The following DCLRE1C variants were observed in gnomAD, a reference collection of about 807,000 sequenced individuals.
DCLRE1C encodes the protein DNA cross-link repair 1C, also known as protein artemis.
DCLRE1C carries 47 observed loss-of-function variants against 61.4 expected under a neutral mutation model. The observed-to-expected ratio is 0.77, with a 90% CI of 0.61 to 0.98. DCLRE1C has a LOEUF of 0.98. Among genes scored for constraint, DCLRE1C ranks in the 50% least tolerant of loss-of-function variants. DCLRE1C has a pLI of 0.00. For synonymous variants in DCLRE1C, 337 were observed against 287.6 expected, an observed-to-expected ratio of 1.17 and a Z score of -1.74; for missense variants, 858 against 816.0, an observed-to-expected ratio of 1.05 and a Z score of -0.63.
At position 14,954,078 on chromosome 10, in the gene DCLRE1C, C is replaced by G; in HGVS notation, c.-68G>C. The G allele has an allele frequency of 6.2e-7, 1 of 1,604,602 alleles. No individual in the cohort carries two copies. Among genetic ancestry groups the G allele is most frequent in the Non-Finnish European group, 8.5e-7 (1 of 1,177,544 alleles). The stretch of plus-strand genomic sequence containing the variant: ...GAAGCCAAGGCCAGCCCTGACCGCG[C>G]CGCCACTTCCGGGAAGCCGCGCGCT... On this transcript the variant is annotated 5_prime_UTR_variant, in exon 1 of 14. Transcript: ENST00000378278.
Position 14,918,961 on chromosome 10 carries a change from T to C in DCLRE1C, c.1156+777A>G, listed in dbSNP as rs11259390. ...CTCTAAACTTCAGTTTCCTCATCAT[T>C]ATAATTGGGATGGTACCCCTTGTAA... On this transcript the variant is annotated intron_variant, in intron 13 of 13. Transcript: ENST00000378278. Among the ~76,000 whole-genome samples, 1,501 of 152,290 alleles carry C rather than the reference T, an allele frequency of 9.9e-3. 23 individuals are homozygous for C. The highest frequency in any genetic ancestry group is 0.032 in the African/African-American group (1,319 of 41,562).
At chr10:14,898,877 GA>G in exon 14 of DCLRE1C, 1 of 233,126 alleles carries the variant, frequency 4.3e-6, no homozygotes, top group Non-Finnish European at 8.2e-6. Context: ...TAAGTTATAG[GA>G]AAAATGTGCC....
intron 9 of DCLRE1C, among the ~76,000 whole-genome samples, chr10:14,928,947 T>C (rs1780655500): frequency 6.6e-6 from 1 of 152,070 alleles, no homozygotes; most frequent in Admixed American, 6.6e-5. Flanking sequence ...CACACCCAGC[T>C]AAATTTTCTA....
chr10:14,909,243 A>G lies in DCLRE1C; in HGVS notation c.1244T>C (p.Val415Ala), dbSNP rs780148041. 2 of 1,613,790 alleles carry G rather than the reference A, an allele frequency of 1.2e-6. No homozygotes were observed. Among genetic ancestry groups the G allele is most frequent in the South Asian group, 1.1e-5 (1 of 91,004 alleles). ...VPYPETFHPEVFSMTAVSEKQ... is the reference protein window; with the variant it reads ...VPYPETFHPEAFSMTAVSEKQ... ...TTCTGATACTGCAGTCATTGAAAAT[A>G]CCTCAGGGTGAAAAGTTTCCGGGTA... The change falls in exon 14 of 14, where the codon GTA (valine) becomes GCA (alanine). Residue 415 changes from valine to alanine, a missense_variant. By Grantham distance (64) the Val-to-Ala change is moderately conservative (BLOSUM62 0). Coordinates refer to ENST00000378278, the MANE Select transcript of DCLRE1C (RefSeq NM_001033855.3).
chr10:14,934,094 G>A (rs1004091228), intron 8 of DCLRE1C, among the ~76,000 whole-genome samples: 4 of 152,038 alleles, frequency 2.6e-5, no homozygotes, highest in African/African-American at 9.7e-5. Flanking sequence ...TTAGGAGGCC[G>A]AGGCAGGCAG....
intron 3 of DCLRE1C, 136 bp downstream of exon 3, chr10:14,944,969 C>G (rs1297700862): frequency 1.6e-6 from 1 of 644,044 alleles, no homozygotes; most frequent in Non-Finnish European, 2.7e-6. Context: ...GCCACCATGT[C>G]CGGCCAGAGA....
chr10:14,902,531 G>C (rs375126181), downstream of DCLRE1C: 3 of 1,440,986 alleles, frequency 2.1e-6, no homozygotes, highest in Non-Finnish European at 2.8e-6. Flanking sequence ...AGGAAATAGA[G>C]CTGATGATTA....
intron 13 of DCLRE1C, among the ~76,000 whole-genome samples, chr10:14,912,748 G>A (rs1331228550): frequency 6.6e-6 from 1 of 152,128 alleles, no homozygotes; most frequent in African/African-American, 2.4e-5. Context: ...GGAGTGCAGT[G>A]GTGTGATCTC....
chr10:14,930,829 C>A (rs77318041), intron 9 of DCLRE1C, among the ~76,000 whole-genome samples: 6,804 of 152,238 alleles, frequency 0.045, 179 homozygotes, highest in Admixed American at 0.071. Context: ...TGCATACATG[C>A]ACACAAAGTG....
intron 13 of DCLRE1C, among the ~76,000 whole-genome samples, chr10:14,912,156 G>T (rs139526422): frequency 1.7e-4 from 26 of 152,314 alleles, no homozygotes; most frequent in African/African-American, 6.3e-4. Flanking sequence ...ACCATCATAA[G>T]GCTGGAGACT....
intron 9 of DCLRE1C, among the ~76,000 whole-genome samples, chr10:14,932,383 G>C (rs1839155215): frequency 6.6e-6 from 1 of 152,066 alleles, no homozygotes; most frequent in African/African-American, 2.4e-5. Flanking sequence ...CACGCCTGTA[G>C]TACCAGCACT....
chr10:14,909,065 G>C lies in DCLRE1C; in HGVS notation c.1422C>G (p.Gly474=). ...CAGCCTTTTGCAGGTGAAGTACAGA[G>C]CCCAGATCTCCTTGCAGTGAAGCTG... is the stretch of plus-strand genomic sequence containing the variant. ...GIPASLQGDL[G]SVLHLQKADG... is the part of the protein sequence containing the mutation. Residue 474 remains glycine (G), a synonymous_variant, in exon 14 of 14, where the codon GGC becomes GGG. Coordinates refer to ENST00000378278, the MANE Select transcript of DCLRE1C (RefSeq NM_001033855.3). The C allele has an allele frequency of 6.2e-7, 1 of 1,614,168 alleles. No individual in the cohort carries two copies. The highest frequency in any genetic ancestry group is 8.5e-7 in the Non-Finnish European group (1 of 1,180,040).
rs1296544366 is a variant in DCLRE1C, at chr10:14,905,511, GATA to G, written c.*2894_*2896del. ...TAAGGTAACAAGCTTAGACTGTTAA[GATA>G]ATGTCAACATGCCAAGATCACCCAG... On this transcript the variant is annotated 3_prime_UTR_variant, in exon 14 of 14. Transcript: ENST00000378278. Among the ~76,000 whole-genome samples, 1 of 152,228 alleles carries G rather than the reference GATA, an allele frequency of 6.6e-6. No homozygotes were observed. Among genetic ancestry groups the G allele is most frequent in the Non-Finnish European group, 1.5e-5 (1 of 68,046 alleles).
chr10:14,938,307 T>G (rs1159346330), intron 4 of DCLRE1C, among the ~76,000 whole-genome samples: 2 of 152,090 alleles, frequency 1.3e-5, no homozygotes, highest in African/African-American at 4.8e-5. Flanking sequence ...GGAAAAGCAG[T>G]TGGCAGAGTC....
chr10:14,905,128 C>T lies in DCLRE1C; in HGVS notation c.*3280G>A, dbSNP rs146687228. On this transcript the variant is annotated 3_prime_UTR_variant, in exon 14 of 14. Coordinates refer to ENST00000378278, the MANE Select transcript of DCLRE1C (RefSeq NM_001033855.3). The stretch of plus-strand genomic sequence containing the variant: ...CAGAAAAATACTGATGTATTGACTA[C>T]GTGCTAGCAAGATTAACCGAAGGTT... Among the ~76,000 whole-genome samples the T allele has an allele frequency of 3.3e-3, 498 of 152,348 alleles. No homozygotes were observed. Among genetic ancestry groups the T allele is most frequent in the South Asian group, 5.2e-3 (25 of 4,830 alleles).
chr10:14,909,618 AAAAC>A (rs1355859704), intron 13 of DCLRE1C, among the ~76,000 whole-genome samples: 1 of 152,030 alleles, frequency 6.6e-6, no homozygotes, highest in Non-Finnish European at 1.5e-5. Context: ...AAAAAAAAAA[AAAAC>A]AGGTTTCTGT....
intron 3 of DCLRE1C, chr10:14,942,229 G>A (rs1418031692): frequency 6.6e-6 from 1 of 152,264 alleles, no homozygotes; most frequent in Non-Finnish European, 1.5e-5. Flanking sequence ...GAGCCAAAGC[G>A]GGAGACCAGC....
exon 14 of DCLRE1C, chr10:14,897,992 G>A (rs748787668): frequency 6.6e-6 from 1 of 151,716 alleles, no homozygotes; most frequent in Non-Finnish European, 1.5e-5. Flanking sequence ...AGCATTTATT[G>A]CATCCATAAT....
In DCLRE1C at chr10:14,953,885, G is replaced by T; in HGVS notation, c.109+17C>A. The T allele has an allele frequency of 6.2e-7, 1 of 1,613,614 alleles. No homozygotes were observed. The highest frequency in any genetic ancestry group is 8.5e-7 in the Non-Finnish European group (1 of 1,179,910). On this transcript the variant is annotated intron_variant, in intron 1 of 13. Coordinates refer to ENST00000378278, the MANE Select transcript of DCLRE1C (RefSeq NM_001033855.3). ...CCCCAGCGCCCCGGGAGCGGGCGAC[G>T]CGCAGCCCTCACTCACCTTTGTGGC...
Sources: gnomAD v4.1 joint callset for allele counts (sites outside exome capture counted in the v4.1 genomes callset) on GRCh38, gnomAD v4.1.1 for gene constraint, MANE v1.5 for transcripts, NCBI Gene and HGNC (gene_info 2026-07-23, HGNC 2026-07-21) for gene names.